SEMA4D: variants seen among roughly 807,000 people sequenced by gnomAD.
SEMA4D encodes semaphorin 4D.
Under a neutral mutation model 74.8 loss-of-function variants are expected in SEMA4D, and 22 were observed. The ratio of observed to expected loss-of-function variants is 0.29; its 90% CI spans 0.21 to 0.42. The LOEUF is 0.42. Among genes scored for constraint, SEMA4D ranks in the 10% least tolerant of loss-of-function variants. SEMA4D has a pLI of 1.00. For synonymous variants in SEMA4D, 445 were observed against 463.7 expected, an observed-to-expected ratio of 0.96 and a Z score of 0.52; for missense variants, 937 against 1,118.4, an observed-to-expected ratio of 0.84 and a Z score of 2.31.
intron 1 of SEMA4D, among the ~76,000 whole-genome samples, chr9:89,456,595 A>T (rs1855989052): frequency 6.6e-6 from 1 of 152,070 alleles, no homozygotes; most frequent in South Asian, 2.1e-4. Context: ...AATTTGGGAG[A>T]GTTTTTCTTT....
intron 2 of SEMA4D, among the ~76,000 whole-genome samples, chr9:89,432,246 A>T (rs1564762879): frequency 6.6e-6 from 1 of 152,232 alleles, no homozygotes. Flanking sequence ...TTAACCACTA[A>T]TATAAGTAGT....
At chr9:89,462,772 C>A (rs762822049) in intron 1 of SEMA4D, among the ~76,000 whole-genome samples, 1 of 151,140 alleles carries the variant, frequency 6.6e-6, no homozygotes, top group Non-Finnish European at 1.5e-5. Flanking sequence ...AAGTGAGAGC[C>A]TGTCTCTACA....
At chr9:89,436,243 G>A (rs1276978701) in intron 2 of SEMA4D, 1 of 152,224 alleles carries the variant, frequency 6.6e-6, no homozygotes, top group Non-Finnish European at 1.5e-5. Flanking sequence ...CCCAGTGAGG[G>A]GTGAGAAATG....
chr9:89,428,649 G>A (rs1225871661), intron 2 of SEMA4D, among the ~76,000 whole-genome samples: 3 of 152,184 alleles, frequency 2.0e-5, no homozygotes, highest in South Asian at 2.1e-4. Flanking sequence ...CTCTGCACAC[G>A]GCCTGGCCCA....
chr9:89,496,010 T>C (rs1368149237), intron 1 of SEMA4D, among the ~76,000 whole-genome samples: 2 of 152,160 alleles, frequency 1.3e-5, no homozygotes, highest in Admixed American at 6.5e-5. Flanking sequence ...CACACCCGCT[T>C]GGTGTGGGGA....
intron 15 of SEMA4D, 117 bp downstream of exon 15, chr9:89,380,938 T>C: frequency 7.9e-7 from 1 of 1,258,782 alleles, no homozygotes; most frequent in South Asian, 1.2e-5. Flanking sequence ...TTGACCTCTG[T>C]TCCGAGTGGA....
chr9:89,458,990 T>C (rs1856627131), intron 1 of SEMA4D, among the ~76,000 whole-genome samples: 1 of 152,154 alleles, frequency 6.6e-6, no homozygotes, highest in African/African-American at 2.4e-5. Context: ...TGCATACTCA[T>C]ACACACACTG....
chr9:89,362,751 G>A (rs183638668), intron 18 of SEMA4D, among the ~76,000 whole-genome samples: 12 of 152,374 alleles, frequency 7.9e-5, no homozygotes, highest in African/African-American at 2.9e-4. Flanking sequence ...GTTCGGGGGT[G>A]TACTGCTGGC....
intron 2 of SEMA4D, among the ~76,000 whole-genome samples, chr9:89,411,157 T>C (rs1844449958): frequency 6.6e-6 from 1 of 152,224 alleles, no homozygotes; most frequent in African/African-American, 2.4e-5. Context: ...AGTGGATTAC[T>C]GATTGCATCT....
Position 89,377,682 on chromosome 9 carries a change from G to A in SEMA4D, c.*1022C>T, listed in dbSNP as rs1836034465. ...AAGCAATTGAAGCAAGAAGAGAAAG[G>A]AGATGTTCAGAGAACCAAAGGCGCC... is the stretch of plus-strand genomic sequence containing the variant. On this transcript the variant is annotated 3_prime_UTR_variant, in exon 16 of 16. Coordinates refer to ENST00000422704, the MANE Select transcript of SEMA4D (RefSeq NM_001371194.2). The A allele has an allele frequency of 1.3e-5, 2 of 152,242 alleles. No homozygotes were observed. Among genetic ancestry groups the A allele is most frequent in the African/African-American group, 2.4e-5 (1 of 41,428 alleles). The allele number at this position is 152,242 out of a possible 1,614,324, so 9.4% of individuals were successfully genotyped here.
intron 2 of SEMA4D, among the ~76,000 whole-genome samples, chr9:89,453,720 G>C (rs1855202658): frequency 6.6e-6 from 1 of 152,218 alleles, no homozygotes; most frequent in Non-Finnish European, 1.5e-5. Context: ...GGCCCACAGT[G>C]GCACCGGGAA....
At position 89,405,381 on chromosome 9, in the gene SEMA4D, G is replaced by A. The variant is rs778504763; in HGVS notation, c.76C>T (p.Pro26Ser). Reference protein sequence around the residue: ...VMFGTAMAFAPIPRITWEHRE... With the variant: ...VMFGTAMAFASIPRITWEHRE... ...TGCTCCCAGGTGATCCGGGGTATGG[G>A]TGCAAATGCCATCGCTGTCCCAAAC... The change falls in exon 3 of 16, where the codon CCC (proline) becomes TCC (serine). Residue 26 changes from proline to serine, a missense_variant. Physicochemically the swap from Pro to Ser is moderately conservative, Grantham distance 74. Coordinates refer to ENST00000422704, the MANE Select transcript of SEMA4D (RefSeq NM_001371194.2). 1.2e-6 allele frequency: 2 copies of A among 1,614,006 alleles called. No individual in the cohort carries two copies. Among genetic ancestry groups the A allele is most frequent in the South Asian group, 1.1e-5 (1 of 91,090 alleles).
chr9:89,405,758 C>A, intron 2 of SEMA4D, 59 bp from the exon 3 acceptor site: 1 of 1,362,534 alleles, frequency 7.3e-7, no homozygotes, highest in South Asian at 2.0e-5. Flanking sequence ...CTGCTTCTCA[C>A]TGCTCTGTAG....
chr9:89,368,843 C>T (rs946445804), intron 16 of SEMA4D: 1 of 152,224 alleles, frequency 6.6e-6, no homozygotes, highest in Non-Finnish European at 1.5e-5. Context: ...CTCTTCTCTG[C>T]AAAGGGACCT....
chr9:89,465,030 T>C (rs182018987), intron 1 of SEMA4D, among the ~76,000 whole-genome samples: 91 of 152,270 alleles, frequency 6.0e-4, no homozygotes, highest in African/African-American at 2.1e-3. Flanking sequence ...GAGCACACAA[T>C]AATTAACCAA....
chr9:89,372,211 TGGG>T (rs1190327022), intron 16 of SEMA4D, among the ~76,000 whole-genome samples: 3 of 39,370 alleles, frequency 7.6e-5, no homozygotes, highest in Non-Finnish European at 1.4e-4. Context: ...GGTGTGTGTC[TGGG>T]GGGTGTGGTG....
In SEMA4D at chr9:89,405,465, G is replaced by C. The variant is rs763964038; in HGVS notation, c.-9C>G. 1 of 1,612,992 alleles carries C rather than the reference G, an allele frequency of 6.2e-7. No individual in the cohort carries two copies. Among genetic ancestry groups the C allele is most frequent in the Admixed American group, 1.7e-5 (1 of 60,028 alleles). ...GGGGTGCACATCCTCATCAGGTAGA[G>C]GCGACCCCAGGGGCTTCAGCAGCAA... On this transcript the variant is annotated 5_prime_UTR_variant, in exon 3 of 16. Transcript: ENST00000422704.
chr9:89,433,865 G>A (rs1015659993), intron 2 of SEMA4D, among the ~76,000 whole-genome samples: 6 of 152,150 alleles, frequency 3.9e-5, no homozygotes, highest in Non-Finnish European at 5.9e-5. Context: ...CAGTAGCTCC[G>A]CACTAAGTGT....
At chr9:89,410,399 C>T (rs939604619) in intron 2 of SEMA4D, among the ~76,000 whole-genome samples, 1 of 152,158 alleles carries the variant, frequency 6.6e-6, no homozygotes, top group African/African-American at 2.4e-5. Flanking sequence ...CACACACCAC[C>T]AGAGCTGACT....
Sources: allele counts gnomAD v4.1 joint callset (sites outside exome capture counted in the v4.1 genomes callset), GRCh38; gene constraint gnomAD v4.1.1; transcripts MANE v1.5; gene names NCBI Gene and HGNC (gene_info 2026-07-23, HGNC 2026-07-21).